The following RNF115 variants were observed in gnomAD, a reference collection of about 807,000 sequenced individuals.
The protein encoded by RNF115 is E3 ubiquitin-protein ligase RNF115.
RNF115 carries 31 observed loss-of-function variants against 39.2 expected under a neutral mutation model. The ratio of observed to expected loss-of-function variants is 0.79; its 90% confidence interval spans 0.59 to 1.07. The LOEUF (loss-of-function observed/expected upper bound fraction) is 1.07, where lower values mean the gene tolerates loss of function less well. Among genes scored for constraint, RNF115 ranks in the 50% least tolerant of loss-of-function variants. RNF115 has a pLI of 0.00. For synonymous variants in RNF115, 124 were observed against 131.0 expected, an observed-to-expected ratio of 0.95 and a Z score of 0.37; for missense variants, 384 against 381.7, an observed-to-expected ratio of 1.01 and a Z score of -0.05.
rs982433105 is a variant in RNF115, at chr1:145,824,013, T to G, written c.-140A>C. The G allele has an allele frequency of 3.8e-5, 22 of 577,124 alleles. No homozygotes were observed. Among genetic ancestry groups the G allele is most frequent in the East Asian group, 2.2e-4 (6 of 27,742 alleles). 35.8% of individuals were successfully genotyped at this position (577,124 alleles called of 1,614,324 possible). On this transcript the variant is annotated 5_prime_UTR_variant, in exon 1 of 9. Coordinates refer to ENST00000582693, the MANE Select transcript of RNF115 (RefSeq NM_014455.4). The stretch of plus-strand genomic sequence containing the variant: ...CAGAGCCCGCGTCGGTCACGTGAGT[T>G]GGCCAGGCCCAGAAACGCGGCGGCG...
At chr1:145,787,473 G>C (rs782308795) in intron 2 of RNF115, among the ~76,000 whole-genome samples, 6 of 150,650 alleles carry the variant, frequency 4.0e-5, no homozygotes, top group Admixed American at 6.7e-5. Flanking sequence ...TTGGGAGGCT[G>C]AGGCAGGAGA....
intron 3 of RNF115, among the ~76,000 whole-genome samples, chr1:145,777,470 AT>A (rs1553716716): frequency 6.6e-6 from 1 of 152,190 alleles, no homozygotes; most frequent in Non-Finnish European, 1.5e-5. Flanking sequence ...TTTGTGGCCT[AT>A]TTTAATCTCA....
At chr1:145,765,647 TCA>T (rs10594477) in intron 4 of RNF115, among the ~76,000 whole-genome samples, 71,105 of 151,780 alleles carry the variant, frequency 0.47, 16,984 homozygotes, top group East Asian at 0.7. Flanking sequence ...CAGAATACCC[TCA>T]GTTATAAATT....
chr1:145,810,866 T>G (rs1422894397), intron 1 of RNF115, among the ~76,000 whole-genome samples: 1 of 149,062 alleles, frequency 6.7e-6, no homozygotes, highest in South Asian at 2.1e-4. Flanking sequence ...ATTTTATTTA[T>G]TTATTTATTT....
chr1:145,816,518 A>T (rs1649999378), intron 1 of RNF115, among the ~76,000 whole-genome samples: 1 of 101,330 alleles, frequency 9.9e-6, no homozygotes, highest in Non-Finnish European at 2.2e-5. Context: ...AAAAAGGTGA[A>T]ATAATAAAGT....
At chr1:145,777,172 A>G (rs1194565998) in intron 3 of RNF115, among the ~76,000 whole-genome samples, 1 of 152,182 alleles carries the variant, frequency 6.6e-6, no homozygotes, top group East Asian at 1.9e-4. Flanking sequence ...ATACAATTCC[A>G]CAACATTTGC....
intron 1 of RNF115, among the ~76,000 whole-genome samples, chr1:145,794,854 A>G (rs1648880956): frequency 6.6e-6 from 1 of 151,640 alleles, no homozygotes; most frequent in Admixed American, 6.6e-5. Context: ...TGTCTCTACT[A>G]AAAATACAAA....
intron 2 of RNF115, chr1:145,787,020 G>A: frequency 7.9e-7 from 1 of 1,261,730 alleles, no homozygotes. Context: ...ACTGTAAAAT[G>A]TGTAGTTTTT....
rs1650477007 is a variant in RNF115, at chr1:145,824,091, G to C, written c.-218C>G. 2.2e-6 allele frequency: 1 copy of C among 460,484 alleles called. No homozygotes were observed. Among genetic ancestry groups the C allele is most frequent in the South Asian group, 3.5e-5 (1 of 28,382 alleles). 28.5% of individuals were successfully genotyped at this position (460,484 alleles called of 1,614,324 possible). On this transcript the variant is annotated 5_prime_UTR_variant, in exon 1 of 9. Coordinates refer to ENST00000582693, the MANE Select transcript of RNF115 (RefSeq NM_014455.4). ...CAGCACCAAAGAGGCGCAGGAAGGA[G>C]AGACAAACGGCCCGCCCGCCGGCTC...
At chr1:145,759,725 TG>T (rs1311312896) in intron 4 of RNF115, among the ~76,000 whole-genome samples, 4 of 152,136 alleles carry the variant, frequency 2.6e-5, no homozygotes, top group African/African-American at 9.7e-5. Flanking sequence ...AACTCTCCAT[TG>T]GAACAGAAGC....
chr1:145,784,568 C>G lies in RNF115; in HGVS notation c.190G>C (p.Asp64His). The change falls in exon 3 of 9, where the codon GAC becomes CAC. Residue 64 changes from aspartate (D) to histidine (H), a missense_variant. Transcript: ENST00000582693. Reference protein sequence around the residue: ...SFLGGGGSRIDNTTTTHFAEL... With the variant: ...SFLGGGGSRIHNTTTTHFAEL... ...GCAAAATGTGTTGTTGTGGTATTGT[C>G]TATCCGACTGCCGCCACCACCTAAA... 6.2e-7 allele frequency: 1 copy of G among 1,613,988 alleles called. No homozygotes were observed. The highest frequency in any genetic ancestry group is 8.5e-7 in the Non-Finnish European group (1 of 1,179,918).
At chr1:145,802,547 G>A (rs782584017) in intron 1 of RNF115, among the ~76,000 whole-genome samples, 6 of 152,126 alleles carry the variant, frequency 3.9e-5, no homozygotes, top group Non-Finnish European at 5.9e-5. Flanking sequence ...TACTTATTCA[G>A]TACATCAAAT....
At chr1:145,796,119 T>C (rs937764836) in intron 1 of RNF115, among the ~76,000 whole-genome samples, 2 of 152,192 alleles carry the variant, frequency 1.3e-5, no homozygotes, top group East Asian at 3.9e-4. Context: ...TATTTCCTGT[T>C]TCTAGATTTT....
chr1:145,755,275 T>A (rs1553713044), intron 4 of RNF115, among the ~76,000 whole-genome samples: 2 of 151,384 alleles, frequency 1.3e-5, no homozygotes. Flanking sequence ...CAGTGCTTTC[T>A]CCTTGTACTT....
chr1:145,768,784 T>C (rs1647504676), intron 4 of RNF115, among the ~76,000 whole-genome samples: 2 of 152,210 alleles, frequency 1.3e-5, no homozygotes, highest in Admixed American at 1.3e-4. Flanking sequence ...TTTAAAAATG[T>C]ATAAAACATG....
At chr1:145,787,190 T>C (rs1648421535) in intron 2 of RNF115, 1 of 435,446 alleles carries the variant, frequency 2.3e-6, no homozygotes, top group Admixed American at 2.9e-5. Context: ...TTCAGACGAA[T>C]GTTTAACCAA....
chr1:145,749,736 CCTAGA>C (rs1311949519), intron 7 of RNF115, among the ~76,000 whole-genome samples: 1 of 152,240 alleles, frequency 6.6e-6, no homozygotes, highest in Admixed American at 6.5e-5. Flanking sequence ...ACACACTGCC[CCTAGA>C]CTAATCTTCC....
Position 145,751,492 on chromosome 1 carries a change from G to A in RNF115, c.519C>T (p.Ser173=). ...HPFSWSGMLH[S]NPGDYAWGQT... is the part of the protein sequence containing the mutation. The stretch of plus-strand genomic sequence containing the variant: ...GACCCCAGGCATAGTCCCCAGGGTT[G>A]GAGTGCAGCATCCCGCTCCTATACG... The change falls in exon 6 of 9, where the codon TCC becomes TCT. Residue 173 remains serine, a synonymous_variant. Coordinates refer to ENST00000582693, the MANE Select transcript of RNF115 (RefSeq NM_014455.4). The A allele has an allele frequency of 1.3e-6, 2 of 1,598,896 alleles. No individual in the cohort carries two copies. The highest frequency in any genetic ancestry group is 1.1e-5 in the South Asian group (1 of 88,266).
chr1:145,821,457 CTTTTTTTTTTT>C (rs1172613737), intron 1 of RNF115, among the ~76,000 whole-genome samples: 4 of 47,496 alleles, frequency 8.4e-5, no homozygotes, highest in South Asian at 9.8e-4. Context: ...TCTTCTCACT[CTTTTTTTTTTT>C]TTTTTTTTTT....
Sources: allele counts gnomAD v4.1 joint callset (sites outside exome capture counted in the v4.1 genomes callset), GRCh38; gene constraint gnomAD v4.1.1; transcripts MANE v1.5; gene names NCBI Gene and HGNC (gene_info 2026-07-23, HGNC 2026-07-21).